PCDHGA1: variants seen among roughly 807,000 people sequenced by gnomAD.
PCDHGA1 encodes the protein protocadherin gamma subfamily A, 1.
A neutral mutation model predicts 58.0 loss-of-function variants in PCDHGA1; 32 were observed. The ratio of observed to expected loss-of-function variants is 0.55; its 90% CI spans 0.42 to 0.74. PCDHGA1 has a LOEUF of 0.74. PCDHGA1 is among the 30% of genes least tolerant of loss of function. PCDHGA1 has a pLI of 0.00. For missense variants in PCDHGA1, 1,205 were observed against 1,182.3 expected, an observed-to-expected ratio of 1.02 and a Z score of -0.28; for synonymous variants, 498 against 501.1, an observed-to-expected ratio of 0.99 and a Z score of 0.08.
chr5:141,345,710 G>A, intron 1 of PCDHGA1: 2 of 1,614,194 alleles, frequency 1.2e-6, no homozygotes, highest in African/African-American at 1.3e-5. Context: ...ACGACAACGC[G>A]CCCGAGATCC....
At chr5:141,405,024 T>C in intron 1 of PCDHGA1, 1 of 1,613,920 alleles carries the variant, frequency 6.2e-7, no homozygotes, top group Non-Finnish European at 8.5e-7. Flanking sequence ...GACCTTACCC[T>C]CTACCTCGTT....
rs1193417991 is a variant in PCDHGA1 at position 141,491,413 on chromosome 5, G to T, written c.2422-3394G>T. The T allele has an allele frequency of 6.2e-7, 1 of 1,614,064 alleles. No individual in the cohort carries two copies. Among genetic ancestry groups the T allele is most frequent in the South Asian group, 1.1e-5 (1 of 91,074 alleles). ...CCTTCAGGGAAACGCAGACGGGGAC[G>T]GGGGTGGAGGGCAGTGCTGCAGGCG... On this transcript the variant is annotated intron_variant, in intron 1 of 3. Transcript: ENST00000517417. This position sits in a 1 kb window ranked among gnomAD's most constrained non-coding sequence, Gnocchi z 6.9.
chr5:141,490,419 G>C lies in PCDHGA1; in HGVS notation c.2422-4388G>C. The C allele has an allele frequency of 6.2e-7, 1 of 1,614,170 alleles. No homozygotes were observed. Among genetic ancestry groups the C allele is most frequent in the Non-Finnish European group, 8.5e-7 (1 of 1,180,020 alleles). ...TGAGCCTTGATATCTCTCCGGACCT[G>C]CCATTTCAGATTAAGCCTTCTGAGA... On this transcript the variant is annotated intron_variant, in intron 1 of 3. Transcript: ENST00000517417. The surrounding 1 kb of genome is among the most constrained non-coding windows in gnomAD (Gnocchi z 5.4).
In PCDHGA1 at chr5:141,485,275, G is replaced by C. The variant is rs77402299; in HGVS notation, c.2422-9532G>C. ...ACGTTTGTGGGCAGATCCGCTACCC[G>C]GTCCCAGAGGAGTCACAGGAAGGGA... On this transcript the variant is annotated intron_variant, in intron 1 of 3. Transcript: ENST00000517417. The surrounding 1 kb of genome is among the most constrained non-coding windows in gnomAD (Gnocchi z 5.7). The C allele has an allele frequency of 2.5e-6, 4 of 1,614,072 alleles. No individual in the cohort carries two copies. Among genetic ancestry groups the C allele is most frequent in the Admixed American group, 1.7e-5 (1 of 60,024 alleles).
chr5:141,482,099 A>AG (rs1423781570), intron 1 of PCDHGA1, among the ~76,000 whole-genome samples: 1 of 151,852 alleles, frequency 6.6e-6, no homozygotes, highest in African/African-American at 2.4e-5. Flanking sequence ...CAAAAAAAAA[A>AG]AAAAAATATC....
intron 1 of PCDHGA1, chr5:141,412,918 G>T: frequency 2.4e-6 from 1 of 414,220 alleles, no homozygotes; most frequent in Non-Finnish European, 4.2e-6. Flanking sequence ...TATCACTTGG[G>T]TGCAGTAACT....
At chr5:141,376,137 A>G (rs1342753731) in intron 1 of PCDHGA1, 6 of 1,613,156 alleles carry the variant, frequency 3.7e-6, no homozygotes, top group South Asian at 1.1e-5. Context: ...GCCAAACCCA[A>G]CGATTCGGAC....
intron 1 of PCDHGA1, chr5:141,362,537 C>T (rs1366233043): frequency 6.2e-7 from 1 of 1,613,822 alleles, no homozygotes. Flanking sequence ...GTCCCTTTTG[C>T]CTCAGATACT....
At chr5:141,403,452 T>C (rs1482278011) in intron 1 of PCDHGA1, 15 of 1,613,988 alleles carry the variant, frequency 9.3e-6, no homozygotes, top group Non-Finnish European at 1.3e-5. Flanking sequence ...GTGAACTCCC[T>C]CCAGAGCTAC....
At chr5:141,456,421 A>C (rs1358944131) in intron 1 of PCDHGA1, among the ~76,000 whole-genome samples, 1 of 152,150 alleles carries the variant, frequency 6.6e-6, no homozygotes, top group Non-Finnish European at 1.5e-5. Context: ...GAAACAATTC[A>C]AGTTATAGTA....
At chr5:141,428,004 G>C in intron 1 of PCDHGA1, 1 of 1,601,732 alleles carries the variant, frequency 6.2e-7, no homozygotes, top group East Asian at 2.2e-5. Context: ...CGCACTCTTC[G>C]ATATAGTGCC....
chr5:141,343,405 A>G, intron 1 of PCDHGA1: 1 of 975,068 alleles, frequency 1.0e-6, no homozygotes, highest in Non-Finnish European at 1.2e-6. Context: ...TATCTTATCA[A>G]ATAACCCTGA....
rs143562227 is a variant in PCDHGA1 at position 141,339,720 on chromosome 5, G to A, written c.2421+6615G>A. On this transcript the variant is annotated intron_variant, in intron 1 of 3. Coordinates refer to ENST00000517417, the MANE Select transcript of PCDHGA1 (RefSeq NM_018912.3). ...TTTACACAGCCCGAGTACCGCATAA[G>A]CATTCCGGAGAATACGCTCGTGGGC... 2.7e-5 allele frequency: 43 copies of A among 1,614,164 alleles called. No individual in the cohort carries two copies. The African/African-American group carries it at 4.8e-4, about 18-fold the overall frequency.
intron 1 of PCDHGA1, chr5:141,355,947 A>C: frequency 1.2e-6 from 2 of 1,613,908 alleles, no homozygotes; most frequent in Non-Finnish European, 1.7e-6. Flanking sequence ...AGTACCACGT[A>C]AGTGTTCGTG....
intron 1 of PCDHGA1, chr5:141,384,549 G>T (rs1561602881): frequency 6.2e-7 from 1 of 1,614,244 alleles, no homozygotes; most frequent in East Asian, 2.2e-5. Flanking sequence ...CACTGAGCCT[G>T]TTCGTGCTGG....
At chr5:141,438,637 C>T (rs11958903) in intron 1 of PCDHGA1, among the ~76,000 whole-genome samples, 3,503 of 30,116 alleles carry the variant, frequency 0.12, 108 homozygotes, top group Non-Finnish European at 0.15. Context: ...TATATATATA[C>T]ACACACACAC....
intron 1 of PCDHGA1, chr5:141,407,996 T>G: frequency 1.1e-6 from 1 of 872,310 alleles, no homozygotes; most frequent in Middle Eastern, 3.6e-4. Flanking sequence ...GCCTCTGGCC[T>G]GGGATTCCCT....
intron 1 of PCDHGA1, chr5:141,422,699 C>T: frequency 6.2e-7 from 1 of 1,603,420 alleles, no homozygotes; most frequent in Middle Eastern, 1.7e-4. Flanking sequence ...GTCACTTACT[C>T]TCTGACGGAT....
chr5:141,490,322 A>C lies in PCDHGA1; in HGVS notation c.2422-4485A>C. ...GCCTCTTTGGCCAACCCTGTCCTAGAGAGCACACCAGTGGGCACAGTAGTG... is the reference window on the plus strand; with the variant it reads ...GCCTCTTTGGCCAACCCTGTCCTAGCGAGCACACCAGTGGGCACAGTAGTG... On this transcript the variant is annotated intron_variant, in intron 1 of 3. Coordinates refer to ENST00000517417, the MANE Select transcript of PCDHGA1 (RefSeq NM_018912.3). This position sits in a 1 kb window ranked among gnomAD's most constrained non-coding sequence, Gnocchi z 5.4. The C allele has an allele frequency of 6.2e-7, 1 of 1,614,232 alleles. No individual in the cohort carries two copies. Among genetic ancestry groups the C allele is most frequent in the Non-Finnish European group, 8.5e-7 (1 of 1,180,038 alleles).
Sources: allele counts gnomAD v4.1 joint callset (sites outside exome capture counted in the v4.1 genomes callset), GRCh38; gene constraint gnomAD v4.1.1; non-coding constraint Gnocchi (gnomAD v3.1); transcripts MANE v1.5; gene names NCBI Gene and HGNC (gene_info 2026-07-23, HGNC 2026-07-21).